Variants in MGAT4C observed in about 807,000 individuals in gnomAD.
The protein encoded by MGAT4C is alpha-1,3-mannosyl-glycoprotein 4-beta-N-acetylglucosaminyltransferase C.
In MGAT4C, 19 loss-of-function variants were observed where a neutral mutation model predicts 40.1. The ratio of observed to expected loss-of-function variants is 0.47; its 90% CI spans 0.33 to 0.70. The LOEUF (loss-of-function observed/expected upper bound fraction) is 0.70. Among genes scored for constraint, MGAT4C ranks in the 30% least tolerant of loss-of-function variants. The pLI is 0.02. For missense variants in MGAT4C, 491 were observed against 563.2 expected, an observed-to-expected ratio of 0.87 and a Z score of 1.30; for synonymous variants, 181 against 187.1, an observed-to-expected ratio of 0.97 and a Z score of 0.27.
intron 3 of MGAT4C, among the ~76,000 whole-genome samples, chr12:86,433,717 C>A (rs1006318914): frequency 6.6e-6 from 1 of 151,806 alleles, no homozygotes; most frequent in Admixed American, 6.6e-5. Flanking sequence ...AAGGGGAAAA[C>A]GGCATTGCTA....
chr12:86,592,781 A>G (rs576234723), intron 2 of MGAT4C, among the ~76,000 whole-genome samples: 12 of 152,060 alleles, frequency 7.9e-5, no homozygotes, highest in Non-Finnish European at 1.8e-4. Flanking sequence ...AAATTTTCCA[A>G]TTATTGTGTA....
intron 2 of MGAT4C, among the ~76,000 whole-genome samples, chr12:86,527,365 T>C (rs544496584): frequency 1.1e-4 from 17 of 152,336 alleles, no homozygotes; most frequent in African/African-American, 4.1e-4. Context: ...TGTCTGTTTT[T>C]ATGCAAGTAC....
At chr12:86,756,667 T>G (rs1350511536) in intron 1 of MGAT4C, among the ~76,000 whole-genome samples, 1 of 152,174 alleles carries the variant, frequency 6.6e-6, no homozygotes, top group Admixed American at 6.6e-5. Flanking sequence ...TAATAACAGA[T>G]ACAAGAACTA....
chr12:86,110,625 T>C (rs533048264), intron 1 of MGAT4C, among the ~76,000 whole-genome samples: 10 of 151,448 alleles, frequency 6.6e-5, no homozygotes, highest in Non-Finnish European at 1.5e-4. Flanking sequence ...CTAAGCCTTA[T>C]AGTCGATTTC....
chr12:86,117,620 A>C (rs989667322), intron 1 of MGAT4C, among the ~76,000 whole-genome samples: 5 of 152,146 alleles, frequency 3.3e-5, no homozygotes, highest in Non-Finnish European at 7.4e-5. Context: ...CAAGGGCATA[A>C]ATAAAACTCC....
chr12:86,562,339 G>A lies in MGAT4C; in HGVS notation c.-228-127074C>T, dbSNP rs1046888330. On this transcript the variant is annotated intron_variant, in intron 2 of 7. Transcript: ENST00000548651. ...GCCAGGTGTCTACTGTTAAAGTGAG[G>A]GCACTGGTTGGAAAAGAATGGGACC... is the stretch of plus-strand genomic sequence containing the variant. 3.9e-5 allele frequency among the ~76,000 whole-genome samples: 6 copies of A among 152,222 alleles called. No individual in the cohort carries two copies. In the Middle Eastern group the frequency reaches 0.01, roughly 259 times the overall value.
chr12:86,380,632 C>G (rs1224785252), intron 3 of MGAT4C, among the ~76,000 whole-genome samples: 1 of 152,078 alleles, frequency 6.6e-6, no homozygotes, highest in African/African-American at 2.4e-5. Flanking sequence ...ACACAACATA[C>G]CTACTAAGCC....
intron 2 of MGAT4C, among the ~76,000 whole-genome samples, chr12:86,014,742 T>A (rs1366645560): frequency 6.6e-6 from 1 of 152,144 alleles, no homozygotes; most frequent in Admixed American, 6.5e-5. Flanking sequence ...GCTGAGTTTT[T>A]ATTTGTACTC....
rs531997068 is a variant in MGAT4C, at chr12:86,464,919, A to C, written c.-228-29654T>G. On this transcript the variant is annotated intron_variant, in intron 2 of 7. Transcript: ENST00000548651. The stretch of plus-strand genomic sequence containing the variant: ...GCATTATATTTATATGATATACTAT[A>C]AGATTCTTTGATATTCACACTATTT... Among the ~76,000 whole-genome samples the C allele has an allele frequency of 5.3e-5, 8 of 152,228 alleles. No individual in the cohort carries two copies. In the South Asian group the frequency reaches 1.7e-3, roughly 32 times the overall value.
intron 1 of MGAT4C, among the ~76,000 whole-genome samples, chr12:86,836,049 A>G (rs1953031329): frequency 6.6e-6 from 1 of 152,068 alleles, no homozygotes; most frequent in African/African-American, 2.4e-5. Flanking sequence ...TCTAAAATGT[A>G]GATACCACTA....
At chr12:85,991,812 T>A (rs1885977203) in intron 2 of MGAT4C, among the ~76,000 whole-genome samples, 2 of 152,114 alleles carry the variant, frequency 1.3e-5, no homozygotes, top group Non-Finnish European at 2.9e-5. Context: ...GGCAATATAG[T>A]GAGACCCCAT....
chr12:86,828,322 G>T (rs943597785), intron 1 of MGAT4C, among the ~76,000 whole-genome samples: 1 of 150,352 alleles, frequency 6.7e-6, no homozygotes, highest in African/African-American at 2.4e-5. Context: ...TTTTTACTCC[G>T]AGATATGTTA....
intron 1 of MGAT4C, among the ~76,000 whole-genome samples, chr12:86,095,427 T>C (rs1472986939): frequency 6.6e-6 from 1 of 152,086 alleles, no homozygotes; most frequent in Admixed American, 6.6e-5. Flanking sequence ...CTAATTGCTT[T>C]TTACAATTAT....
chr12:86,222,747 A>G (rs1245712393), intron 1 of MGAT4C, among the ~76,000 whole-genome samples: 3 of 152,056 alleles, frequency 2.0e-5, no homozygotes, highest in Non-Finnish European at 4.4e-5. Flanking sequence ...TCACAGAGAG[A>G]TTTTACTTTT....
chr12:86,387,407 G>A (rs1956073518), intron 3 of MGAT4C, among the ~76,000 whole-genome samples: 1 of 151,950 alleles, frequency 6.6e-6, no homozygotes, highest in African/African-American at 2.4e-5. Context: ...TGTAATATCA[G>A]TGTTATTATT....
intron 2 of MGAT4C, among the ~76,000 whole-genome samples, chr12:86,533,938 A>G (rs1366995398): frequency 6.6e-6 from 1 of 152,100 alleles, no homozygotes; most frequent in Non-Finnish European, 1.5e-5. Context: ...TGTAGCAATA[A>G]GATACCAAAT....
intron 3 of MGAT4C, among the ~76,000 whole-genome samples, chr12:85,984,667 T>C (rs2136699186): frequency 6.6e-6 from 1 of 152,318 alleles, no homozygotes; most frequent in South Asian, 2.1e-4. Flanking sequence ...ATATGTGATT[T>C]ACTAGAATTG....
chr12:86,362,245 C>A (rs1293621909), intron 3 of MGAT4C, among the ~76,000 whole-genome samples: 2 of 152,124 alleles, frequency 1.3e-5, no homozygotes, highest in Non-Finnish European at 2.9e-5. Context: ...GGACGGAAAA[C>A]CAAACACTGC....
intron 1 of MGAT4C, among the ~76,000 whole-genome samples, chr12:86,160,002 G>A (rs1018877162): frequency 1.3e-5 from 2 of 151,890 alleles, no homozygotes; most frequent in Non-Finnish European, 2.9e-5. Flanking sequence ...TCTTGGTTAC[G>A]TTGATCTTTT....
Sources: allele counts gnomAD v4.1 joint callset (sites outside exome capture counted in the v4.1 genomes callset), GRCh38; gene constraint gnomAD v4.1.1; transcripts MANE v1.5; gene names NCBI Gene and HGNC (gene_info 2026-07-23, HGNC 2026-07-21).